Variants in MKI67 observed in about 807,000 individuals in gnomAD.
MKI67 encodes the protein proliferation marker protein Ki-67.
Under a neutral mutation model 233.5 loss-of-function variants are expected in MKI67, and 152 were observed. That is an observed-to-expected ratio of 0.65 (90% CI 0.57 to 0.74). MKI67 has a LOEUF of 0.74. Among genes scored for constraint, MKI67 ranks in the 30% least tolerant of loss-of-function variants. MKI67 has a pLI of 0.00. For synonymous variants in MKI67, 1,465 were observed against 1,418.5 expected, an observed-to-expected ratio of 1.03 and a Z score of -0.74; for missense variants, 3,940 against 3,885.2, an observed-to-expected ratio of 1.01 and a Z score of -0.37.
At chr10:128,118,566 AT>A (rs964128277) in intron 5 of MKI67, among the ~76,000 whole-genome samples, 1 of 152,196 alleles carries the variant, frequency 6.6e-6, no homozygotes, top group Non-Finnish European at 1.5e-5. Context: ...CTCAGGGCTC[AT>A]CCTAAGCCTA....
At chr10:128,124,306 G>T (rs139848545) in intron 2 of MKI67, among the ~76,000 whole-genome samples, 1 of 152,312 alleles carries the variant, frequency 6.6e-6, no homozygotes, top group African/African-American at 2.4e-5. Flanking sequence ...TTGGCAGGAG[G>T]ACGACTATAG....
In MKI67 at chr10:128,102,950, G is replaced by A. The variant is rs190782061; in HGVS notation, c.8890C>T (p.Arg2964Trp). ...CCCACGGGTTCTACTTTAGGGGCCC[G>A]AAGAACTCTTCTGGATATTTTTAGA... Reference protein sequence around the residue: ...KPLKISRRVLRAPKVEPVGDV... With the variant: ...KPLKISRRVLWAPKVEPVGDV... The change falls in exon 13 of 15, where the codon CGG becomes TGG. Residue 2964 changes from arginine (R) to tryptophan (W), a missense_variant. Arg to Trp is a moderately radical substitution (Grantham distance 101, BLOSUM62 -3). Coordinates refer to ENST00000368654, the MANE Select transcript of MKI67 (RefSeq NM_002417.5). 5.5e-5 allele frequency: 89 copies of A among 1,614,212 alleles called. No individual in the cohort carries two copies. Among genetic ancestry groups the A allele is most frequent in the South Asian group, 1.5e-4 (14 of 91,084 alleles).
At chr10:128,111,529 G>T in intron 11 of MKI67, 116 bp downstream of exon 11, 1 of 940,596 alleles carries the variant, frequency 1.1e-6, no homozygotes, top group South Asian at 1.8e-5. Flanking sequence ...GGGTGATTGA[G>T]TCGTTTATTT....
rs550675083 is a variant in MKI67 at position 128,102,421 on chromosome 10, A to G, written c.9261+158T>C. Among the ~76,000 whole-genome samples the G allele has an allele frequency of 4.6e-5, 7 of 152,350 alleles. No homozygotes were observed. The East Asian group carries it at 1.3e-3, about 29-fold the overall frequency. On this transcript the variant is annotated intron_variant, in intron 13 of 14. Transcript: ENST00000368654. ...TAGTCTATTCCCTCTATAGGTCCCA[A>G]GAAGATTCTTTACCATGGCCTGCAG...
At chr10:128,116,795 T>C in intron 5 of MKI67, among the ~76,000 whole-genome samples, 1 of 152,112 alleles carries the variant, frequency 6.6e-6, no homozygotes, top group East Asian at 1.9e-4. Flanking sequence ...TAGTCCCAGC[T>C]ACTCAGGTGG....
intron 5 of MKI67, among the ~76,000 whole-genome samples, chr10:128,118,467 T>C (rs1025627275): frequency 6.7e-6 from 1 of 150,004 alleles, no homozygotes; most frequent in African/African-American, 2.4e-5. Context: ...CAGGTGCACC[T>C]AAGATAACTC....
rs751605898 is a variant in MKI67 at position 128,104,010 on chromosome 10, T to A, written c.7830A>T (p.Lys2610Asn). Reference protein sequence around the residue: ...TKRCPKTRPRKEVKEELSAVE... With the variant: ...TKRCPKTRPRNEVKEELSAVE... ...CTGCTGAGAGCTCCTCTTTTACTTC[T>A]TTCCTGGGACGTGTCTTGGGGCATC... Residue 2610 changes from lysine to asparagine, a missense_variant, in exon 13 of 15, where the codon AAA becomes AAT. Transcript: ENST00000368654. The A allele has an allele frequency of 6.2e-7, 1 of 1,614,108 alleles. No homozygotes were observed. Among genetic ancestry groups the A allele is most frequent in the South Asian group, 1.1e-5 (1 of 91,084 alleles).
rs144093254 is a variant in MKI67, at chr10:128,111,988, A to C, written c.2027T>G (p.Val676Gly). Reference protein sequence around the residue: ...KLGAKQTQTKVIKHGPQRSMN... With the variant: ...KLGAKQTQTKGIKHGPQRSMN... ...TGACCTTTGAGGACCATGTTTTATG[A>C]CTTTAGTTTGTGTTTGTTTTGCACC... The change falls in exon 10 of 15, where the codon GTC (valine) becomes GGC (glycine). Residue 676 changes from valine (V) to glycine (G), a missense_variant. Coordinates refer to ENST00000368654, the MANE Select transcript of MKI67 (RefSeq NM_002417.5). The C allele has an allele frequency of 7.9e-4, 1,277 of 1,613,676 alleles. 16 individuals carry two copies. In the Admixed American group the frequency reaches 0.019, roughly 24 times the overall value.
chr10:128,104,000 CTTT>C lies in MKI67; in HGVS notation c.7837_7839del (p.Lys2613del). ...AGCCTCTCAACTGCTGAGAGCTCCTCTTTTACTTCTTTCCTGGGACGTGTCTTG... is the reference window on the plus strand; with the variant it reads ...AGCCTCTCAACTGCTGAGAGCTCCTCTACTTCTTTCCTGGGACGTGTCTTG... On this transcript the variant is annotated inframe_deletion, in exon 13 of 15. Transcript: ENST00000368654. 6.2e-7 allele frequency: 1 copy of C among 1,614,050 alleles called. No homozygotes were observed. The highest frequency in any genetic ancestry group is 8.5e-7 in the Non-Finnish European group (1 of 1,180,030).
intron 4 of MKI67, 59 bp from the exon 5 acceptor site, chr10:128,119,378 C>A: frequency 8.5e-7 from 1 of 1,177,930 alleles, no homozygotes; most frequent in South Asian, 1.3e-5. Flanking sequence ...GGGCGGAAGT[C>A]TCCATATCCA....
In MKI67 at chr10:128,111,731, T is replaced by G; in HGVS notation, c.2174A>C (p.Glu725Ala). The G allele has an allele frequency of 6.2e-7, 1 of 1,614,238 alleles. No homozygotes were observed. The highest frequency in any genetic ancestry group is 1.1e-5 in the South Asian group (1 of 91,086). Residue 725 changes from glutamate (E) to alanine (A), a missense_variant, in exon 11 of 15, where the codon GAA becomes GCA. Glu to Ala is a moderately radical substitution (Grantham distance 107). Transcript: ENST00000368654. ...GGGTCGAGCAGGCACATGTACTTTT[T>G]CAGTATGAGCTTTCCCTATTATTAT... ...CTIIIGKAHT[E>A]KVHVPARPYR...
intron 5 of MKI67, among the ~76,000 whole-genome samples, chr10:128,118,001 G>A (rs1468993922): frequency 6.6e-6 from 1 of 152,184 alleles, no homozygotes; most frequent in Non-Finnish European, 1.5e-5. Flanking sequence ...TTGCCTGGTG[G>A]CTACAGTGTG....
rs1027167188 is a variant in MKI67, at chr10:128,098,154, T to C, written c.*1036A>G. 6.6e-6 allele frequency: 1 copy of C among 152,240 alleles called. No homozygotes were observed. The highest frequency in any genetic ancestry group is 2.4e-5 in the African/African-American group (1 of 41,468). 9.4% of individuals were successfully genotyped at this position (152,240 alleles called of 1,614,324 possible). The stretch of plus-strand genomic sequence containing the variant: ...GGGCAAAGTGGAAAGTAAATGAAGA[T>C]GAACGAGTTATATCTACAAGTCTGA... On this transcript the variant is annotated 3_prime_UTR_variant, in exon 15 of 15. Coordinates refer to ENST00000368654, the MANE Select transcript of MKI67 (RefSeq NM_002417.5).
At chr10:128,100,402 G>A (rs973692027) in intron 14 of MKI67, among the ~76,000 whole-genome samples, 7 of 152,190 alleles carry the variant, frequency 4.6e-5, no homozygotes, top group Admixed American at 1.3e-4. Flanking sequence ...AGTTTGTGCC[G>A]AAGAGGGTCT....
At position 128,115,141 on chromosome 10, in the gene MKI67, T is replaced by C. The variant is rs780992655; in HGVS notation, c.1267A>G (p.Arg423Gly). The change falls in exon 7 of 15, where the codon AGA becomes GGA. Residue 423 changes from arginine to glycine, a missense_variant. Coordinates refer to ENST00000368654, the MANE Select transcript of MKI67 (RefSeq NM_002417.5). ...TCCACATCTGTAGGAATACTTCCTC[T>C]GGTTTTGGAAGAGAGATTTTCTGGC... is the stretch of plus-strand genomic sequence containing the variant. ...TKPENLSSKTRGSIPTDVEVL... is the reference protein window; with the variant it reads ...TKPENLSSKTGGSIPTDVEVL... The C allele has an allele frequency of 1.2e-6, 2 of 1,614,220 alleles. No homozygotes were observed. Among genetic ancestry groups the C allele is most frequent in the Non-Finnish European group, 1.7e-6 (2 of 1,180,036 alleles).
rs372983467 is a variant in MKI67 at position 128,099,180 on chromosome 10, G to A, written c.*10C>T. 2.9e-5 allele frequency: 46 copies of A among 1,599,700 alleles called. 1 individual carries two copies. Among genetic ancestry groups the A allele is most frequent in the South Asian group, 2.4e-4 (21 of 88,746 alleles). On this transcript the variant is annotated 3_prime_UTR_variant, in exon 15 of 15. Coordinates refer to ENST00000368654, the MANE Select transcript of MKI67 (RefSeq NM_002417.5). ...AACTTTATTATATTTTTCCCAGTTC[G>A]ATTTTTCTGTCAAATATCTTCACTG...
chr10:128,099,122 G>C lies in MKI67; in HGVS notation c.*68C>G. On this transcript the variant is annotated 3_prime_UTR_variant, in exon 15 of 15. Transcript: ENST00000368654. ...CTTACAGAATTCACTTGTAATTTAT[G>C]ACAAAAACTGCACTAGAACTTATCA... The C allele has an allele frequency of 8.0e-7, 1 of 1,251,250 alleles. No individual in the cohort carries two copies. Among genetic ancestry groups the C allele is most frequent in the South Asian group, 1.3e-5 (1 of 75,620 alleles). 77.5% of individuals were successfully genotyped at this position (1,251,250 alleles called of 1,614,324 possible). A position where few individuals can be genotyped will look rare whatever the true frequency, so the allele number is the denominator to read the frequency against.
chr10:128,112,369 A>C lies in MKI67; in HGVS notation c.1733T>G (p.Ile578Arg). Residue 578 changes from isoleucine (I) to arginine (R), a missense_variant, in exon 9 of 15, where the codon ATA (isoleucine) becomes AGA (arginine). Ile to Arg is a moderately conservative substitution (Grantham distance 97). Coordinates refer to ENST00000368654, the MANE Select transcript of MKI67 (RefSeq NM_002417.5). ...CCTAGGACTAGGAGCTGGAGGGCTT[A>C]TAACCAAGCTTTGTGCCTTCACTTC... The part of the protein sequence containing the change: ...HVEVKAQSLV[I>R]SPPAPSPRKT... 6.2e-7 allele frequency: 1 copy of C among 1,614,188 alleles called. No homozygotes were observed. The highest frequency in any genetic ancestry group is 8.5e-7 in the Non-Finnish European group (1 of 1,180,026).
chr10:128,103,697 CT>C lies in MKI67; in HGVS notation c.8142del (p.Asp2715ThrfsTer19). 1 of 1,614,082 alleles carries C rather than the reference CT, an allele frequency of 6.2e-7. No homozygotes were observed. Among genetic ancestry groups the C allele is most frequent in the Non-Finnish European group, 8.5e-7 (1 of 1,180,026 alleles). ...IPCESPPLEV[V>X]DTTASTKRHL... ...TGCCTCTTTGTGCTTGCTGTGGTGT[CT>C]ACCACTTCTAGTGGGGGAGATTCGC... On this transcript the variant is annotated frameshift_variant, in exon 13 of 15. Transcript: ENST00000368654. LOFTEE classifies it high-confidence loss of function.
Sources: allele counts gnomAD v4.1 joint callset (sites outside exome capture counted in the v4.1 genomes callset), GRCh38; gene constraint gnomAD v4.1.1; transcripts MANE v1.5; gene names NCBI Gene and HGNC (gene_info 2026-07-23, HGNC 2026-07-21).